The following ASTN2 variants were observed in gnomAD, a reference collection of about 807,000 sequenced individuals.
The protein encoded by ASTN2 is astrotactin-2.
Under a neutral mutation model 139.8 loss-of-function variants are expected in ASTN2, and 54 were observed. That is an observed-to-expected ratio of 0.39 (90% CI 0.31 to 0.48). The LOEUF (loss-of-function observed/expected upper bound fraction) is 0.48. Among genes scored for constraint, ASTN2 ranks in the 20% least tolerant of loss-of-function variants. The probability of loss-of-function intolerance (pLI) is 0.95; values close to 1 mark genes in which losing one functional copy is unlikely to be tolerated. For synonymous variants in ASTN2, 756 were observed against 719.5 expected, an observed-to-expected ratio of 1.05 and a Z score of -0.81; for missense variants, 1,565 against 1,725.1, an observed-to-expected ratio of 0.91 and a Z score of 1.64.
intron 10 of ASTN2, among the ~76,000 whole-genome samples, chr9:116,969,634 A>G (rs142079422): frequency 8.0e-4 from 122 of 152,308 alleles, no homozygotes; most frequent in Admixed American, 5.9e-3. Flanking sequence ...TTGGGAGCAT[A>G]TAAACCTTAC....
At chr9:116,461,298 C>T (rs1848478201) in intron 20 of ASTN2, among the ~76,000 whole-genome samples, 1 of 151,946 alleles carries the variant, frequency 6.6e-6, no homozygotes, top group Admixed American at 6.6e-5. Context: ...AGGATTTAGT[C>T]TGTTTTATTC....
At chr9:116,730,362 T>A (rs1401840741) in intron 14 of ASTN2, among the ~76,000 whole-genome samples, 1 of 152,208 alleles carries the variant, frequency 6.6e-6, no homozygotes, top group Non-Finnish European at 1.5e-5. Flanking sequence ...TTTTTCCTCC[T>A]TATGCTCCTT....
intron 19 of ASTN2, among the ~76,000 whole-genome samples, chr9:116,507,998 C>T (rs1371859567): frequency 6.6e-6 from 1 of 152,160 alleles, no homozygotes. Flanking sequence ...AGGCGGTTCT[C>T]CTGCCTCAGC....
At chr9:117,100,059 C>T (rs915259920) in intron 4 of ASTN2, among the ~76,000 whole-genome samples, 32 of 152,182 alleles carry the variant, frequency 2.1e-4, no homozygotes, top group Non-Finnish European at 2.9e-5. Context: ...ATATGTTGAC[C>T]ACTAAGGATT....
chr9:116,937,248 T>C (rs1216035465), intron 10 of ASTN2, among the ~76,000 whole-genome samples: 1 of 152,176 alleles, frequency 6.6e-6, no homozygotes, highest in Non-Finnish European at 1.5e-5. Context: ...TAAGAGGCTC[T>C]TCATGGTTGA....
intron 3 of ASTN2, among the ~76,000 whole-genome samples, chr9:117,201,434 G>C (rs1255432570): frequency 6.6e-6 from 1 of 152,004 alleles, no homozygotes; most frequent in African/African-American, 2.4e-5. Context: ...TGATGTTAGG[G>C]TGTCAATCTG....
chr9:116,718,239 G>T (rs780202659), intron 16 of ASTN2, among the ~76,000 whole-genome samples: 1 of 152,162 alleles, frequency 6.6e-6, no homozygotes, highest in African/African-American at 2.4e-5. Flanking sequence ...TCAGCAGAAG[G>T]CCAAGTGACA....
chr9:117,281,587 T>C (rs1834325813), intron 2 of ASTN2, among the ~76,000 whole-genome samples: 1 of 152,128 alleles, frequency 6.6e-6, no homozygotes, highest in Admixed American at 6.6e-5. Context: ...GTGTTGCTGT[T>C]AAAATACCAC....
intron 3 of ASTN2, among the ~76,000 whole-genome samples, chr9:117,171,939 A>T (rs1279710373): frequency 1.3e-5 from 2 of 151,976 alleles, no homozygotes; most frequent in Non-Finnish European, 2.9e-5. Flanking sequence ...GGGACACTAT[A>T]TCGTAATTAA....
At chr9:117,004,988 G>A (rs558186251) in intron 7 of ASTN2, among the ~76,000 whole-genome samples, 1 of 151,656 alleles carries the variant, frequency 6.6e-6, no homozygotes, top group East Asian at 1.9e-4. Flanking sequence ...AGTGTCTCAT[G>A]GGTTTAAATG....
intron 11 of ASTN2, among the ~76,000 whole-genome samples, chr9:116,835,102 C>T (rs1466166947): frequency 6.6e-6 from 1 of 152,120 alleles, no homozygotes; most frequent in Non-Finnish European, 1.5e-5. Context: ...GTGACCTGAA[C>T]ATTTCTGGCA....
chr9:117,151,243 G>T (rs1296451848), intron 3 of ASTN2, among the ~76,000 whole-genome samples: 1 of 152,084 alleles, frequency 6.6e-6, no homozygotes, highest in East Asian at 1.9e-4. Flanking sequence ...TTTCTGCTCA[G>T]CATGGACAGT....
At chr9:116,453,438 A>G (rs1025788049) in intron 20 of ASTN2, among the ~76,000 whole-genome samples, 3 of 151,634 alleles carry the variant, frequency 2.0e-5, no homozygotes, top group Non-Finnish European at 2.9e-5. Context: ...TTAAAAATAC[A>G]AAAAAATTAG....
At chr9:116,844,511 T>A (rs939838936) in intron 11 of ASTN2, among the ~76,000 whole-genome samples, 2 of 152,020 alleles carry the variant, frequency 1.3e-5, no homozygotes, top group African/African-American at 4.8e-5. Context: ...AACCATGTAA[T>A]GTTAGCCAGT....
Position 116,820,206 on chromosome 9 carries a change from A to C in ASTN2, c.2207+411T>G, listed in dbSNP as rs193115283. ...ACATTCCTGCTGAAACCAAGCTTGAAGGCTGGACTTAGCCTGTGCTTTTAT... is the reference window on the plus strand; with the variant it reads ...ACATTCCTGCTGAAACCAAGCTTGACGGCTGGACTTAGCCTGTGCTTTTAT... On this transcript the variant is annotated intron_variant, in intron 12 of 22. Coordinates refer to ENST00000313400, the MANE Select transcript of ASTN2 (RefSeq NM_001365068.1). Among the ~76,000 whole-genome samples, 3 of 152,296 alleles carry C rather than the reference A, an allele frequency of 2.0e-5. No homozygotes were observed. The East Asian group carries it at 5.8e-4, about 29-fold the overall frequency.
intron 10 of ASTN2, among the ~76,000 whole-genome samples, chr9:116,926,979 A>G (rs1037587491): frequency 2.0e-5 from 3 of 152,252 alleles, no homozygotes; most frequent in African/African-American, 7.2e-5. Flanking sequence ...GAACAGTTGA[A>G]CAGAGTCTGA....
At chr9:116,814,026 A>G (rs1831238670) in intron 12 of ASTN2, among the ~76,000 whole-genome samples, 1 of 146,258 alleles carries the variant, frequency 6.8e-6, no homozygotes, top group Admixed American at 6.9e-5. Context: ...ACAGAGCAAG[A>G]CTCTGTCTCA....
chr9:116,686,829 C>A lies in ASTN2; in HGVS notation c.2807-35036G>T, dbSNP rs1047560915. ...ATGGATAAACTTGTCTCTAGTGCAG[C>A]TCTCTGTCAGAGCACAGAACATGAG... On this transcript the variant is annotated intron_variant, in intron 16 of 22. Transcript: ENST00000313400. The A allele has an allele frequency of 5.2e-6, 8 of 1,550,264 alleles. No homozygotes were observed. The African/African-American group carries it at 1.1e-4, about 21-fold the overall frequency.
chr9:117,038,819 A>G (rs1838469144), intron 6 of ASTN2, among the ~76,000 whole-genome samples: 1 of 152,196 alleles, frequency 6.6e-6, no homozygotes, highest in Non-Finnish European at 1.5e-5. Context: ...AGGGCACTTT[A>G]GCAATAGATA....
Sources: allele counts gnomAD v4.1 joint callset (sites outside exome capture counted in the v4.1 genomes callset), GRCh38; gene constraint gnomAD v4.1.1; transcripts MANE v1.5; gene names NCBI Gene and HGNC (gene_info 2026-07-23, HGNC 2026-07-21).